The following USO1 variants were observed in gnomAD, a reference collection of about 807,000 sequenced individuals.
USO1 encodes general vesicular transport factor p115.
Under a neutral mutation model 124.5 loss-of-function variants are expected in USO1, and 57 were observed. The observed-to-expected ratio is 0.46, with a 90% CI of 0.37 to 0.57. The LOEUF is 0.57. Ranked by LOEUF, USO1 falls within the 20% of genes least tolerant of loss-of-function variation. USO1 has a pLI of 0.00. For missense variants in USO1, 900 were observed against 1,040.6 expected, an observed-to-expected ratio of 0.86 and a Z score of 1.86; for synonymous variants, 369 against 362.8, an observed-to-expected ratio of 1.02 and a Z score of -0.19.
intron 13 of USO1, among the ~76,000 whole-genome samples, chr4:75,799,150 G>A (rs1722770685): frequency 1.3e-5 from 2 of 151,406 alleles, no homozygotes; most frequent in South Asian, 4.2e-4. Flanking sequence ...ATGATTCAGG[G>A]GATTATTTTT....
At chr4:75,725,655 T>C (rs1357602072) in intron 1 of USO1, among the ~76,000 whole-genome samples, 2 of 152,176 alleles carry the variant, frequency 1.3e-5, no homozygotes, top group African/African-American at 4.8e-5. Context: ...GAAAACATTA[T>C]TTAATAGTTG....
At chr4:75,734,929 A>G (rs1242196539) in intron 1 of USO1, among the ~76,000 whole-genome samples, 1 of 151,664 alleles carries the variant, frequency 6.6e-6, no homozygotes, top group Non-Finnish European at 1.5e-5. Context: ...GGGTTTCACC[A>G]TATTGGCCAG....
chr4:75,728,980 T>G (rs1482829095), intron 1 of USO1, among the ~76,000 whole-genome samples: 3 of 152,042 alleles, frequency 2.0e-5, no homozygotes, highest in Admixed American at 6.6e-5. Flanking sequence ...GTATTTTTAG[T>G]GGAGATGGGG....
intron 13 of USO1, 115 bp downstream of exon 13, chr4:75,794,016 ATTAG>A (rs1026320502): frequency 4.2e-6 from 6 of 1,426,280 alleles, no homozygotes; most frequent in Middle Eastern, 2.1e-4. Flanking sequence ...TATTCTGTTT[ATTAG>A]TTCATCATAA....
rs533041107 is a variant in USO1, at chr4:75,796,341, C to CTTTTTTTTTTT, written c.1452+2442_1452+2452dup. ...TAATCCCAGAAAGTTCCATCATGCT[C>CTTTTTTTTTTT]TTTTTTTTTTTTGAGACGGAGTCTC... On this transcript the variant is annotated intron_variant, in intron 13 of 23. Transcript: ENST00000514213. 2.0e-5 allele frequency among the ~76,000 whole-genome samples: 2 copies of CTTTTTTTTTTT among 102,086 alleles called. 1 individual carries two copies. Among genetic ancestry groups the CTTTTTTTTTTT allele is most frequent in the Non-Finnish European group, 4.2e-5 (2 of 48,032 alleles). The allele number at this position is 102,086 out of a possible 152,430, so 67.0% of individuals were successfully genotyped here. A position where few individuals can be genotyped will look rare whatever the true frequency, so the allele number is the denominator to read the frequency against.
chr4:75,747,847 C>A (rs1721172009), intron 1 of USO1, among the ~76,000 whole-genome samples: 2 of 150,300 alleles, frequency 1.3e-5, no homozygotes, highest in South Asian at 4.2e-4. Context: ...GATCTCCTGA[C>A]CTCCTGATCC....
chr4:75,792,913 A>C (rs1362878938), intron 12 of USO1, among the ~76,000 whole-genome samples: 1 of 152,070 alleles, frequency 6.6e-6, no homozygotes, highest in Non-Finnish European at 1.5e-5. Context: ...CCCACAAATA[A>C]AGGCAAATAA....
chr4:75,741,759 C>G (rs1157315952), intron 1 of USO1, among the ~76,000 whole-genome samples: 2 of 152,082 alleles, frequency 1.3e-5, no homozygotes, highest in African/African-American at 4.8e-5. Flanking sequence ...CACCTGCCAT[C>G]ATGCCTGGCT....
intron 14 of USO1, 39 bp downstream of exon 14, chr4:75,799,771 A>T (rs763985283): frequency 1.9e-6 from 3 of 1,604,202 alleles, no homozygotes; most frequent in Middle Eastern, 3.4e-4. Context: ...GTAAGTATTT[A>T]TATCTTTTTT....
intron 1 of USO1, among the ~76,000 whole-genome samples, chr4:75,748,406 C>G (rs1174224732): frequency 2.0e-5 from 3 of 151,770 alleles, no homozygotes; most frequent in Non-Finnish European, 2.9e-5. Context: ...CTACACTGGT[C>G]TTGAACTCCT....
rs113880650 is a variant in USO1, at chr4:75,731,557, G to A, written c.66+6672G>A. 8.5e-4 allele frequency among the ~76,000 whole-genome samples: 40 copies of A among 47,046 alleles called. 1 individual carries two copies. The highest frequency in any genetic ancestry group is 3.1e-3 in the Admixed American group (14 of 4,496). 30.9% of individuals were successfully genotyped at this position (47,046 alleles called of 152,430 possible). On this transcript the variant is annotated intron_variant, in intron 1 of 23. Coordinates refer to ENST00000514213, the MANE Select transcript of USO1 (RefSeq NM_003715.4). ...AGCCTGGGCAATGGAGTGAGACTCC[G>A]TCTCAAAAAAAAAAAAAAATGACTT...
At chr4:75,733,128 G>A (rs1324716749) in intron 1 of USO1, among the ~76,000 whole-genome samples, 5 of 150,930 alleles carry the variant, frequency 3.3e-5, no homozygotes, top group East Asian at 2.0e-4. Context: ...GCGTGGTGGC[G>A]GGCACCTGTA....
intron 13 of USO1, among the ~76,000 whole-genome samples, chr4:75,799,199 G>T (rs1722772561): frequency 2.0e-5 from 3 of 147,652 alleles, no homozygotes; most frequent in South Asian, 4.2e-4. Flanking sequence ...GGTTTTTTTT[G>T]AAGGAAGTAG....
At chr4:75,742,257 C>CACATA (rs1289122471) in intron 1 of USO1, among the ~76,000 whole-genome samples, 1 of 152,134 alleles carries the variant, frequency 6.6e-6, no homozygotes, top group African/African-American at 2.4e-5. Context: ...ATAAGCCTGG[C>CACATA]AGTGCAGTGG....
chr4:75,730,656 CTTTT>C (rs1300015016), intron 1 of USO1, among the ~76,000 whole-genome samples: 1 of 151,874 alleles, frequency 6.6e-6, no homozygotes, highest in African/African-American at 2.4e-5. Flanking sequence ...GTTCCTCTTT[CTTTT>C]TATGTATTTA....
chr4:75,794,023 C>A (rs1174821891), intron 13 of USO1, 122 bp downstream of exon 13: 2 of 1,389,026 alleles, frequency 1.4e-6, no homozygotes, highest in African/African-American at 1.5e-5. Context: ...TTTATTAGTT[C>A]ATCATAATCA....
At chr4:75,784,298 G>T (rs916966636) in intron 9 of USO1, among the ~76,000 whole-genome samples, 1 of 152,182 alleles carries the variant, frequency 6.6e-6, no homozygotes, top group Admixed American at 6.5e-5. Context: ...GCTGTTATAG[G>T]TGTGAGCCAC....
chr4:75,787,452 T>C (rs527595850), intron 10 of USO1, among the ~76,000 whole-genome samples: 1 of 152,330 alleles, frequency 6.6e-6, no homozygotes, highest in Non-Finnish European at 1.5e-5. Context: ...CAAAGATTTC[T>C]CATTAATTTT....
intron 22 of USO1, among the ~76,000 whole-genome samples, chr4:75,811,177 G>A (rs2149197374): frequency 6.6e-6 from 1 of 150,608 alleles, no homozygotes; most frequent in East Asian, 1.9e-4. Flanking sequence ...TTGAGAGAGA[G>A]TCTCAATTTT....
Sources: gnomAD v4.1 joint callset for allele counts (sites outside exome capture counted in the v4.1 genomes callset) on GRCh38, gnomAD v4.1.1 for gene constraint, MANE v1.5 for transcripts, NCBI Gene and HGNC (gene_info 2026-07-23, HGNC 2026-07-21) for gene names.